The following ANAPC10 variants were observed in gnomAD, a reference collection of about 807,000 sequenced individuals.
ANAPC10 encodes anaphase promoting complex subunit 10.
Under a neutral mutation model 22.0 loss-of-function variants are expected in ANAPC10, and 12 were observed. The ratio of observed to expected loss-of-function variants is 0.55; its 90% CI spans 0.35 to 0.88. The LOEUF (loss-of-function observed/expected upper bound fraction) is 0.88. ANAPC10 is among the 40% of genes least tolerant of loss of function. The probability of loss-of-function intolerance (pLI) is 0.01; values close to 1 mark genes in which losing one functional copy is unlikely to be tolerated. For missense variants in ANAPC10, 188 were observed against 220.9 expected, an observed-to-expected ratio of 0.85 and a Z score of 0.94; for synonymous variants, 65 against 69.5, an observed-to-expected ratio of 0.94 and a Z score of 0.32.
intron 1 of ANAPC10, among the ~76,000 whole-genome samples, chr4:145,096,791 C>A (rs886611024): frequency 6.6e-6 from 1 of 152,030 alleles, no homozygotes; most frequent in African/African-American, 2.4e-5. Flanking sequence ...TTCAAGCGAT[C>A]CTCCCACCTC....
At chr4:145,086,138 T>C (rs1360446819) in intron 2 of ANAPC10, among the ~76,000 whole-genome samples, 1 of 152,176 alleles carries the variant, frequency 6.6e-6, no homozygotes, top group African/African-American at 2.4e-5. Context: ...AATTTTTGTA[T>C]TTTTAGTGGA....
chr4:145,035,777 G>GTGAA lies in ANAPC10; in HGVS notation c.327+28791_327+28794dup, dbSNP rs539388954. 3.3e-5 allele frequency among the ~76,000 whole-genome samples: 5 copies of GTGAA among 152,162 alleles called. No homozygotes were observed. The South Asian group carries it at 1.0e-3, about 31-fold the overall frequency. ...TCACGCTCATCTGTTTACATCAGATGTGAAAACAACAGTCTTACAGAATTT... is the reference window on the plus strand; with the variant it reads ...TCACGCTCATCTGTTTACATCAGATGTGAATGAAAACAACAGTCTTACAGAATTT... On this transcript the variant is annotated intron_variant, in intron 4 of 4. Coordinates refer to ENST00000507656, the MANE Select transcript of ANAPC10 (RefSeq NM_001256706.2).
intron 4 of ANAPC10, among the ~76,000 whole-genome samples, chr4:145,039,346 G>A (rs966097966): frequency 6.6e-6 from 1 of 152,216 alleles, no homozygotes; most frequent in African/African-American, 2.4e-5. Flanking sequence ...ATCTAAATAT[G>A]CTTTGTGGAA....
At chr4:145,067,104 T>C (rs960861167) in intron 3 of ANAPC10, among the ~76,000 whole-genome samples, 12 of 152,192 alleles carry the variant, frequency 7.9e-5, no homozygotes, top group African/African-American at 2.9e-4. Context: ...AAGTTTAAAA[T>C]AATTAAAAGG....
At chr4:144,997,210 A>G (rs1731755532) in intron 4 of ANAPC10, among the ~76,000 whole-genome samples, 1 of 152,242 alleles carries the variant, frequency 6.6e-6, no homozygotes, top group African/African-American at 2.4e-5. Flanking sequence ...AAGGCAGGCC[A>G]ACATTTAAAT....
chr4:145,020,593 A>C (rs1006504371), intron 4 of ANAPC10, among the ~76,000 whole-genome samples: 4 of 152,140 alleles, frequency 2.6e-5, no homozygotes, highest in African/African-American at 9.7e-5. Flanking sequence ...CAATCAAACA[A>C]GCGAAAGAAA....
intron 4 of ANAPC10, among the ~76,000 whole-genome samples, chr4:145,049,473 C>T (rs184610657): frequency 3.5e-4 from 53 of 152,290 alleles, no homozygotes; most frequent in Middle Eastern, 3.4e-3. Context: ...TTCACAGCAC[C>T]TTCACACACT....
At chr4:145,008,842 A>C (rs1326464540) in intron 4 of ANAPC10, among the ~76,000 whole-genome samples, 1 of 152,186 alleles carries the variant, frequency 6.6e-6, no homozygotes, top group Non-Finnish European at 1.5e-5. Flanking sequence ...TGGCCAGGGC[A>C]ATCAGGCAGG....
At chr4:145,055,614 C>T (rs1368018503) in intron 4 of ANAPC10, among the ~76,000 whole-genome samples, 1 of 151,432 alleles carries the variant, frequency 6.6e-6, no homozygotes, top group African/African-American at 2.4e-5. Flanking sequence ...CATGATACAA[C>T]ATGAACCTTG....
At chr4:145,006,972 A>G (rs1196079800) in intron 4 of ANAPC10, among the ~76,000 whole-genome samples, 1 of 152,122 alleles carries the variant, frequency 6.6e-6, no homozygotes, top group African/African-American at 2.4e-5. Flanking sequence ...GTCCAGGTCC[A>G]TCACTTCTGG....
At chr4:145,094,624 A>G (rs1239317372) in intron 2 of ANAPC10, among the ~76,000 whole-genome samples, 1 of 152,228 alleles carries the variant, frequency 6.6e-6, no homozygotes, top group Non-Finnish European at 1.5e-5. Flanking sequence ...TACTAAACTA[A>G]TAACATTATA....
intron 2 of ANAPC10, among the ~76,000 whole-genome samples, chr4:145,094,799 G>GA (rs796841890): frequency 1.1e-3 from 149 of 137,378 alleles, no homozygotes; most frequent in South Asian, 3.4e-3. Context: ...AGTTACTTAG[G>GA]AAAAAAAAAA....
chr4:145,071,997 G>GACAAAAAAAAC (rs1185566041), intron 3 of ANAPC10, among the ~76,000 whole-genome samples: 2 of 149,238 alleles, frequency 1.3e-5, no homozygotes, highest in Non-Finnish European at 3.0e-5. Flanking sequence ...AATGTGAAAG[G>GACAAAAAAAAC]ACAAAAAAAA....
intron 4 of ANAPC10, among the ~76,000 whole-genome samples, chr4:145,030,877 C>A (rs1261327723): frequency 6.6e-6 from 1 of 152,182 alleles, no homozygotes; most frequent in Non-Finnish European, 1.5e-5. Flanking sequence ...CCCACCACAT[C>A]CCCGTTCAAC....
At chr4:145,060,846 T>C (rs1314991220) in intron 4 of ANAPC10, among the ~76,000 whole-genome samples, 1 of 152,014 alleles carries the variant, frequency 6.6e-6, no homozygotes, top group Non-Finnish European at 1.5e-5. Flanking sequence ...AAAATCATGA[T>C]CTGCTTCATC....
chr4:145,054,568 A>C (rs1450574784), intron 4 of ANAPC10, among the ~76,000 whole-genome samples: 1 of 151,072 alleles, frequency 6.6e-6, no homozygotes, highest in East Asian at 2.0e-4. Flanking sequence ...AAAAAAAAAA[A>C]AAAAACTTAC....
At chr4:145,015,448 C>A (rs1734966964) in intron 4 of ANAPC10, among the ~76,000 whole-genome samples, 2 of 151,566 alleles carry the variant, frequency 1.3e-5, no homozygotes, top group South Asian at 4.2e-4. Flanking sequence ...TTATGTGAAA[C>A]AACCAAACTT....
At chr4:145,070,855 T>C (rs1277663962) in intron 3 of ANAPC10, among the ~76,000 whole-genome samples, 1 of 152,176 alleles carries the variant, frequency 6.6e-6, no homozygotes, top group Non-Finnish European at 1.5e-5. Context: ...TGAATGAACC[T>C]TGAAAACATT....
rs868199309 is a variant in ANAPC10 at position 145,083,143 on chromosome 4, T to C, written c.116-1393A>G. Reference sequence around the variant, plus strand: ...CATACGAATATTTATTCCATATCAATAAATTAACAACAATAATAACAATAA... The same window carrying C: ...CATACGAATATTTATTCCATATCAACAAATTAACAACAATAATAACAATAA... On this transcript the variant is annotated intron_variant, in intron 2 of 4. Transcript: ENST00000507656. Among the ~76,000 whole-genome samples, 8 of 152,170 alleles carry C rather than the reference T, an allele frequency of 5.3e-5. No homozygotes were observed. The East Asian group carries it at 1.5e-3, about 29-fold the overall frequency.
Sources: allele counts gnomAD v4.1 joint callset (sites outside exome capture counted in the v4.1 genomes callset), GRCh38; gene constraint gnomAD v4.1.1; transcripts MANE v1.5; gene names NCBI Gene and HGNC (gene_info 2026-07-23, HGNC 2026-07-21).